The following MYH13 variants were observed in gnomAD, a reference collection of about 807,000 sequenced individuals.
The protein encoded by MYH13 is myosin heavy chain 13, also known as myosin-13.
MYH13 carries 177 observed loss-of-function variants against 232.1 expected under a neutral mutation model. That is an observed-to-expected ratio of 0.76 (90% confidence interval 0.67 to 0.86). MYH13 has a LOEUF of 0.86. Among genes scored for constraint, MYH13 ranks in the 40% least tolerant of loss-of-function variants. MYH13 has a pLI of 0.00. For synonymous variants in MYH13, 884 were observed against 923.5 expected (o/e 0.96, Z 0.78); for missense variants, 2,246 against 2,405.9 (o/e 0.93, Z 1.39).
intron 12 of MYH13, among the ~76,000 whole-genome samples, chr17:10,347,150 AC>A (rs2071672710): frequency 6.6e-6 from 1 of 152,198 alleles, no homozygotes; most frequent in Admixed American, 6.6e-5. Flanking sequence ...CGGGTGGATC[AC>A]CTGAGGTCAG....
rs1906282265 is a variant in MYH13, at chr17:10,306,265, TG to T, written c.5466+193del. Among the ~76,000 whole-genome samples, 6 of 145,016 alleles carry T rather than the reference TG, an allele frequency of 4.1e-5. No individual in the cohort carries two copies. The highest frequency in any genetic ancestry group is 1.3e-4 in the African/African-American group (5 of 39,030). On this transcript the variant is annotated intron_variant, in intron 37 of 40. Coordinates refer to ENST00000252172, the MANE Select transcript of MYH13 (RefSeq NM_003802.3). This position sits in a 1 kb window ranked among gnomAD's most constrained non-coding sequence, Gnocchi z 4.3. ...GTGTGTGTGTGTGTGTGTGTGTGTG[TG>T]TGTTTTGGGGCATAGGAACAGGTGA...
At position 10,320,246 on chromosome 17, in the gene MYH13, G is replaced by A; in HGVS notation, c.3258-3C>T. The A allele has an allele frequency of 6.3e-7, 1 of 1,596,408 alleles. No individual in the cohort carries two copies. Among genetic ancestry groups the A allele is most frequent in the South Asian group, 1.1e-5 (1 of 88,204 alleles). ...ACTGACTGAGTTCAAACTCCTTCCTGCAAATAGATTAAAAAAAAATAAAGA... is the reference window on the plus strand; with the variant it reads ...ACTGACTGAGTTCAAACTCCTTCCTACAAATAGATTAAAAAAAAATAAAGA... On this transcript the variant is annotated splice_region_variant and splice_polypyrimidine_tract_variant and intron_variant, in intron 25 of 40. Coordinates refer to ENST00000252172, the MANE Select transcript of MYH13 (RefSeq NM_003802.3).
At chr17:10,347,062 G>T (rs946695682) in intron 12 of MYH13, among the ~76,000 whole-genome samples, 1 of 152,070 alleles carries the variant, frequency 6.6e-6, no homozygotes, top group South Asian at 2.1e-4. Flanking sequence ...CTGATATTTC[G>T]ATTTCATAAA....
chr17:10,353,931 A>AAGGAAG (rs144466023), intron 11 of MYH13, among the ~76,000 whole-genome samples: 3 of 146,058 alleles, frequency 2.1e-5, no homozygotes, highest in Non-Finnish European at 4.5e-5. Flanking sequence ...AAGGAAGGAA[A>AAGGAAG]GAAGGAAGGA....
chr17:10,368,513 C>T (rs997482805), intron 2 of MYH13, among the ~76,000 whole-genome samples: 1 of 152,204 alleles, frequency 6.6e-6, no homozygotes, highest in African/African-American at 2.4e-5. Flanking sequence ...CTTCCCATTT[C>T]ATCACATAAA....
At chr17:10,312,905 A>G in intron 30 of MYH13, 148 bp from the exon 31 acceptor site, 5 of 1,128,096 alleles carry the variant, frequency 4.4e-6, no homozygotes, top group Non-Finnish European at 4.9e-6. Context: ...GGAGGATCCA[A>G]GTGTCACCGA....
At chr17:10,347,907 TG>T (rs1435585703) in intron 12 of MYH13, among the ~76,000 whole-genome samples, 1 of 151,662 alleles carries the variant, frequency 6.6e-6, no homozygotes, top group African/African-American at 2.4e-5. Context: ...TTAGTAGAGA[TG>T]GGGTTTCACC....
chr17:10,364,200 A>C, intron 3 of MYH13, 127 bp downstream of exon 3: 1 of 990,710 alleles, frequency 1.0e-6, no homozygotes, highest in Non-Finnish European at 1.5e-6. Flanking sequence ...ACTTCACCGC[A>C]GAACAGATAA....
chr17:10,371,108 A>G (rs780298433), intron 2 of MYH13, 101 bp downstream of exon 2: 3 of 152,232 alleles, frequency 2.0e-5, no homozygotes, highest in Non-Finnish European at 2.9e-5. Context: ...CAAACTCATC[A>G]ATTTCGTCTT....
Position 10,302,570 on chromosome 17 carries a change from G to A in MYH13, c.5667+626C>T, listed in dbSNP as rs146029774. Among the ~76,000 whole-genome samples the A allele has an allele frequency of 2.2e-3, 341 of 152,232 alleles. 1 individual carries two copies. The highest frequency in any genetic ancestry group is 3.8e-3 in the Non-Finnish European group (261 of 68,008). Reference sequence around the variant, plus strand: ...CCAAACGATCTCTTTTCTATAAAAGGATAAGCTCCTCCCCATGGCAGCCCC... The same window carrying A: ...CCAAACGATCTCTTTTCTATAAAAGAATAAGCTCCTCCCCATGGCAGCCCC... On this transcript the variant is annotated intron_variant, in intron 39 of 40. Transcript: ENST00000252172.
intron 13 of MYH13, among the ~76,000 whole-genome samples, chr17:10,346,001 A>AC (rs1400405246): frequency 3.5e-5 from 5 of 142,820 alleles, no homozygotes; most frequent in Admixed American, 1.4e-4. Context: ...CAAAAAAAAA[A>AC]AAAAAAAAAA....
intron 13 of MYH13, 36 bp downstream of exon 13, chr17:10,346,644 G>T (rs1398694133): frequency 1.3e-6 from 2 of 1,514,872 alleles, no homozygotes; most frequent in Non-Finnish European, 1.8e-6. Context: ...AATAGCAAAA[G>T]ATCTCAATCA....
Position 10,301,710 on chromosome 17 carries a change from A to G in MYH13, c.5668-7T>C, listed in dbSNP as rs1226455185. 1.9e-6 allele frequency: 3 copies of G among 1,612,812 alleles called. No individual in the cohort carries two copies. The highest frequency in any genetic ancestry group is 3.3e-5 in the Admixed American group (2 of 60,014). ...GCGTGTTGGCCTGCTCCTCCTGCAC[A>G]GGAGACAGAGGGGGTATGACGCTGT... On this transcript the variant is annotated splice_region_variant and splice_polypyrimidine_tract_variant and intron_variant, in intron 39 of 40. Transcript: ENST00000252172.
intron 2 of MYH13, among the ~76,000 whole-genome samples, chr17:10,366,381 G>GTTTTTTTTTTTTTTTTTTTTTTTTTTTT (rs56798899): frequency 2.7e-5 from 3 of 112,640 alleles, no homozygotes; most frequent in Non-Finnish European, 5.6e-5. Flanking sequence ...AAATAAATCT[G>GTTTTTTTTTTTTTTTTTTTTTTTTTTTT]TTTTTTTTTT....
chr17:10,348,572 C>T (rs979111216), intron 12 of MYH13, among the ~76,000 whole-genome samples: 13 of 152,216 alleles, frequency 8.5e-5, no homozygotes, highest in African/African-American at 2.9e-4. Flanking sequence ...CCTCCACTTT[C>T]TGCTCCTAAG....
chr17:10,318,670 G>T, intron 27 of MYH13, 120 bp downstream of exon 27: 1 of 1,311,204 alleles, frequency 7.6e-7, no homozygotes, highest in African/African-American at 1.5e-5. Flanking sequence ...GGCAGAAATA[G>T]GGAAGAGGGT....
chr17:10,308,174 A>G (rs1003307802), intron 35 of MYH13, among the ~76,000 whole-genome samples: 2 of 152,080 alleles, frequency 1.3e-5, no homozygotes, highest in East Asian at 3.9e-4. Flanking sequence ...AAATACAAAA[A>G]TTAGCTGGGT....
chr17:10,364,662 T>TC, intron 2 of MYH13, 120 bp from the exon 3 acceptor site: 6 of 800,538 alleles, frequency 7.5e-6, no homozygotes, highest in Non-Finnish European at 1.0e-5. Flanking sequence ...TGAACATAGG[T>TC]CCTGAGGGAT....
chr17:10,345,805 C>T (rs974783311), intron 13 of MYH13, among the ~76,000 whole-genome samples, 189 bp from the exon 14 acceptor site: 19 of 151,864 alleles, frequency 1.3e-4, no homozygotes, highest in African/African-American at 2.2e-4. Flanking sequence ...CCATCCTGGC[C>T]AACATGGTGA....
Sources: allele counts gnomAD v4.1 joint callset (sites outside exome capture counted in the v4.1 genomes callset), GRCh38; gene constraint gnomAD v4.1.1; non-coding constraint Gnocchi (gnomAD v3.1); transcripts MANE v1.5; gene names NCBI Gene and HGNC (gene_info 2026-07-23, HGNC 2026-07-21).